KIAA1549L: variants seen among roughly 807,000 people sequenced by gnomAD.
KIAA1549L encodes the protein KIAA1549 like, also known as UPF0606 protein KIAA1549L.
KIAA1549L carries 88 observed loss-of-function variants against 160.7 expected under a neutral mutation model. The observed-to-expected ratio is 0.55, with a 90% CI of 0.46 to 0.65. The LOEUF is 0.65. Ranked by LOEUF, KIAA1549L falls within the 30% of genes least tolerant of loss-of-function variation. The probability of loss-of-function intolerance (pLI) is 0.00; values close to 1 mark genes in which losing one functional copy is unlikely to be tolerated. For synonymous variants in KIAA1549L, 950 were observed against 976.7 expected, an observed-to-expected ratio of 0.97 and a Z score of 0.51; for missense variants, 2,258 against 2,437.5, an observed-to-expected ratio of 0.93 and a Z score of 1.55.
At chr11:33,625,648 C>G (rs867457261) in intron 16 of KIAA1549L, among the ~76,000 whole-genome samples, 3,137 of 151,544 alleles carry the variant, frequency 0.021, 108 homozygotes, top group African/African-American at 0.067. Flanking sequence ...ATTGTAGATT[C>G]TGGATATTAG....
intron 1 of KIAA1549L, among the ~76,000 whole-genome samples, chr11:33,472,009 G>A (rs1177629342): frequency 1.3e-5 from 2 of 152,192 alleles, no homozygotes; most frequent in African/African-American, 4.8e-5. Context: ...CTGTTGCTCT[G>A]TTGTTCTGAG....
chr11:33,413,536 T>A (rs1467543042), intron 1 of KIAA1549L, among the ~76,000 whole-genome samples: 1 of 152,098 alleles, frequency 6.6e-6, no homozygotes, highest in East Asian at 1.9e-4. Context: ...ACTCAAGATG[T>A]GTCCCCCTTA....
chr11:33,435,794 A>ATGTGTGTGTGTGTGTGTGTG (rs1447364209), intron 1 of KIAA1549L, among the ~76,000 whole-genome samples: 1 of 32,340 alleles, frequency 3.1e-5, no homozygotes, highest in African/African-American at 2.2e-4. Flanking sequence ...ATATATATAT[A>ATGTGTGTGTGTGTGTGTGTG]TATATATATA....
chr11:33,463,084 C>T (rs773123527), intron 1 of KIAA1549L, among the ~76,000 whole-genome samples: 1 of 152,158 alleles, frequency 6.6e-6, no homozygotes. Context: ...CCACCTCAGC[C>T]TGCCAAAGTA....
chr11:33,582,179 T>TTTATC (rs1855667232), intron 10 of KIAA1549L, among the ~76,000 whole-genome samples: 1 of 152,242 alleles, frequency 6.6e-6, no homozygotes, highest in Admixed American at 6.5e-5. Context: ...ATAATGTGAT[T>TTTATC]AATCACCGAT....
At chr11:33,646,329 C>T (rs145049070) in intron 17 of KIAA1549L, among the ~76,000 whole-genome samples, 91 of 152,324 alleles carry the variant, frequency 6.0e-4, no homozygotes, top group African/African-American at 2.1e-3. Flanking sequence ...TCTTCACGCA[C>T]TGGTGGTTTC....
chr11:33,561,076 C>T (rs192099025), intron 7 of KIAA1549L, among the ~76,000 whole-genome samples: 170 of 152,296 alleles, frequency 1.1e-3, no homozygotes, highest in African/African-American at 3.9e-3. Context: ...CAGTAGGCCC[C>T]ATACTTGTAA....
chr11:33,390,622 T>G (rs1343725625), intron 1 of KIAA1549L, among the ~76,000 whole-genome samples: 1 of 152,234 alleles, frequency 6.6e-6, no homozygotes, highest in Non-Finnish European at 1.5e-5. Flanking sequence ...TAAAAATGCC[T>G]TCTTAGCCTG....
chr11:33,442,180 C>A (rs1851521765), intron 1 of KIAA1549L, among the ~76,000 whole-genome samples: 1 of 152,172 alleles, frequency 6.6e-6, no homozygotes. Context: ...AATAGGGAAT[C>A]CTTTCCCCAT....
At chr11:33,567,185 T>C (rs769027368) in intron 8 of KIAA1549L, among the ~76,000 whole-genome samples, 1 of 152,208 alleles carries the variant, frequency 6.6e-6, no homozygotes, top group African/African-American at 2.4e-5. Context: ...TGGCTATAGA[T>C]GAAGCCTAGC....
chr11:33,413,096 A>C (rs1188491777), intron 1 of KIAA1549L, among the ~76,000 whole-genome samples: 6 of 152,188 alleles, frequency 3.9e-5, no homozygotes, highest in Non-Finnish European at 8.8e-5. Flanking sequence ...TGTACTTAAA[A>C]GCATTTTACT....
At position 33,574,811 on chromosome 11, in the gene KIAA1549L, G is replaced by C; in HGVS notation, c.4340G>C (p.Ser1447Thr). 1 of 1,614,040 alleles carries C rather than the reference G, an allele frequency of 6.2e-7. No individual in the cohort carries two copies. ...GGGACCGCAGCTGCCAAGATCCTGA[G>C]CACCATTGATTCCCAAAGGATGGCC... ...LLGTAAAKIL[S>T]TIDSQRMALT... The change falls in exon 10 of 21, where the codon AGC becomes ACC. Residue 1447 changes from serine to threonine, a missense_variant. This residue lies in a region of KIAA1549L where 1,359 missense variants were observed against 1,546.6 expected (regional missense o/e 0.88). Transcript: ENST00000658780.
At chr11:33,476,088 A>C (rs1852280475) in intron 1 of KIAA1549L, among the ~76,000 whole-genome samples, 1 of 152,218 alleles carries the variant, frequency 6.6e-6, no homozygotes, top group African/African-American at 2.4e-5. Context: ...AGCCCGTGGG[A>C]GAGACGGCAA....
At chr11:33,572,120 T>G (rs754044479) in intron 9 of KIAA1549L, among the ~76,000 whole-genome samples, 30 of 151,778 alleles carry the variant, frequency 2.0e-4, no homozygotes, top group Non-Finnish European at 4.0e-4. Context: ...CACTGCAACC[T>G]CCGCCTCCCA....
intron 1 of KIAA1549L, among the ~76,000 whole-genome samples, chr11:33,529,450 A>G (rs1432605702): frequency 6.6e-6 from 1 of 152,226 alleles, no homozygotes; most frequent in Admixed American, 6.5e-5. Flanking sequence ...TTGACTGCTG[A>G]CATATACCAA....
rs563400668 is a variant in KIAA1549L at position 33,582,958 on chromosome 11, TC to T, written c.4403-379del. ...TCTTGATTCCAGCACACATTTCTAA[TC>T]TGCACATTTCTCAGCTTCACTTTTC... On this transcript the variant is annotated intron_variant, in intron 10 of 20. Coordinates refer to ENST00000658780, the MANE Select transcript of KIAA1549L (RefSeq NM_012194.3). 1.1e-4 allele frequency among the ~76,000 whole-genome samples: 16 copies of T among 152,360 alleles called. No individual in the cohort carries two copies. In the East Asian group the frequency reaches 3.1e-3, roughly 29 times the overall value.
chr11:33,543,178 A>G lies in KIAA1549L; in HGVS notation c.1615A>G (p.Arg539Gly). The G allele has an allele frequency of 1.2e-6, 2 of 1,613,944 alleles. No homozygotes were observed. The highest frequency in any genetic ancestry group is 1.6e-4 in the Middle Eastern group (1 of 6,062). ...EGSDGSPPATRDLLLSSKVPN... is the reference protein window; with the variant it reads ...EGSDGSPPATGDLLLSSKVPN... ...CAGTGATGGGTCCCCTCCTGCAACT[A>G]GAGACTTGCTCCTCTCAAGCAAAGT... Residue 539 changes from arginine to glycine, a missense_variant, in exon 2 of 21, where the codon AGA becomes GGA. Physicochemically the swap from Arg to Gly is moderately radical, Grantham distance 125 (BLOSUM62 -2). Transcript: ENST00000658780.
intron 1 of KIAA1549L, among the ~76,000 whole-genome samples, chr11:33,392,029 A>G: frequency 6.6e-6 from 1 of 152,208 alleles, no homozygotes; most frequent in Non-Finnish European, 1.5e-5. Context: ...AGTCCCCATG[A>G]CGATGACACT....
intron 1 of KIAA1549L, among the ~76,000 whole-genome samples, chr11:33,524,918 T>C (rs1853578684): frequency 6.6e-6 from 1 of 152,192 alleles, no homozygotes; most frequent in South Asian, 2.1e-4. Flanking sequence ...TTAATGCCAC[T>C]AAAGCCAGAT....
Sources: gnomAD v4.1 joint callset for allele counts (sites outside exome capture counted in the v4.1 genomes callset) on GRCh38, gnomAD v4.1.1 for gene constraint, gnomAD v4.1.1 regional missense constraint, MANE v1.5 for transcripts, NCBI Gene and HGNC (gene_info 2026-07-23, HGNC 2026-07-21) for gene names.